SRSF1: variants seen among roughly 807,000 people sequenced by gnomAD.
SRSF1 encodes serine and arginine rich splicing factor 1.
In SRSF1, 1 loss-of-function variant was observed where a neutral mutation model predicts 25.9. That is an observed-to-expected ratio of 0.04 (90% CI 0.01 to 0.18). SRSF1 has a LOEUF of 0.18. SRSF1 is among the 10% of genes least tolerant of loss of function. SRSF1 has a pLI of 1.00. For missense variants in SRSF1, 65 were observed against 350.5 expected (o/e 0.19, Z 6.50); for synonymous variants, 132 against 126.2 (o/e 1.05, Z -0.31).
At chr17:58,006,830 CG>C in intron 1 of SRSF1, 113 bp downstream of exon 1, 3 of 1,297,376 alleles carry the variant, frequency 2.3e-6, no homozygotes, top group Non-Finnish European at 3.2e-6. Context: ...GATACAGTCT[CG>C]CCCCAACCTC....
chr17:58,002,995 G>C lies in SRSF1; in HGVS notation c.*2411C>G, dbSNP rs2075402588. On this transcript the variant is annotated 3_prime_UTR_variant, in exon 4 of 4. Transcript: ENST00000258962. ...CCACTGCCCTCCAGTCTGGAGAACA[G>C]AGCGAGACTCTGTCTCAAAAACAAA... Among the ~76,000 whole-genome samples the C allele has an allele frequency of 6.6e-6, 1 of 152,210 alleles. No homozygotes were observed. Among genetic ancestry groups the C allele is most frequent in the Admixed American group, 6.5e-5 (1 of 15,282 alleles).
At chr17:58,006,193 C>G (rs1196705837) in intron 2 of SRSF1, 150 bp downstream of exon 2, 20 of 1,087,256 alleles carry the variant, frequency 1.8e-5, no homozygotes, top group Non-Finnish European at 2.6e-5. Context: ...ATCACCACAG[C>G]AGCAATCCTC....
chr17:57,993,936 CCT>C, the SRSF1 span: 1 of 152,306 alleles, frequency 6.6e-6, no homozygotes, highest in Middle Eastern at 3.4e-3. Context: ...CACTTTCTCC[CCT>C]TTCATTCAGA....
chr17:57,995,493 G>T, the SRSF1 span, among the ~76,000 whole-genome samples: 1 of 152,172 alleles, frequency 6.6e-6, no homozygotes, highest in Non-Finnish European at 1.5e-5. Context: ...AAGGAGCTAG[G>T]CATCCCTCTT....
Position 58,006,398 on chromosome 17 carries a change from G to T in SRSF1, c.324C>A (p.Pro108=). 1 of 1,613,042 alleles carries T rather than the reference G, an allele frequency of 6.2e-7. No homozygotes were observed. The highest frequency in any genetic ancestry group is 1.3e-5 in the African/African-American group (1 of 75,042). ...GGGGGGGGGA[P]RGRYGPPSRR... The stretch of plus-strand genomic sequence containing the variant: ...TGGATGGGGGGCCATAGCGACCTCG[G>T]GGAGCTCCGCCACCTCCACCCCCGC... Residue 108 remains proline (P), a synonymous_variant, in exon 2 of 4, where the codon CCC becomes CCA. Coordinates refer to ENST00000258962, the MANE Select transcript of SRSF1 (RefSeq NM_006924.5).
rs933072831 is a variant in SRSF1, at chr17:58,001,594, G to C, written c.*3812C>G. Among the ~76,000 whole-genome samples the C allele has an allele frequency of 6.6e-6, 1 of 152,160 alleles. No individual in the cohort carries two copies. Among genetic ancestry groups the C allele is most frequent in the African/African-American group, 2.4e-5 (1 of 41,438 alleles). ...AGAGACTTAAGTTTTTCCTTGGTTA[G>C]AAAATAATTATAGGCTCCCTAAAAT... is the stretch of plus-strand genomic sequence containing the variant. On this transcript the variant is annotated 3_prime_UTR_variant, in exon 4 of 4. Transcript: ENST00000258962.
chr17:57,997,693 T>A (rs2075370332), downstream of SRSF1, among the ~76,000 whole-genome samples: 1 of 152,212 alleles, frequency 6.6e-6, no homozygotes, highest in Non-Finnish European at 1.5e-5. Flanking sequence ...ATATGGCAAC[T>A]GGAGATGGGA....
rs2075390794 is a variant in SRSF1, at chr17:58,001,596, AAAT to A, written c.*3807_*3809del. 6.6e-6 allele frequency among the ~76,000 whole-genome samples: 1 copy of A among 152,206 alleles called. No homozygotes were observed. The highest frequency in any genetic ancestry group is 2.1e-4 in the South Asian group (1 of 4,836). On this transcript the variant is annotated 3_prime_UTR_variant, in exon 4 of 4. Coordinates refer to ENST00000258962, the MANE Select transcript of SRSF1 (RefSeq NM_006924.5). Reference sequence around the variant, plus strand: ...AGACTTAAGTTTTTCCTTGGTTAGAAAATAATTATAGGCTCCCTAAAATATTCT... The same window carrying A: ...AGACTTAAGTTTTTCCTTGGTTAGAAAATTATAGGCTCCCTAAAATATTCT...
chr17:58,007,201 C>A lies in SRSF1; in HGVS notation c.-64G>T. 1.3e-6 allele frequency: 2 copies of A among 1,583,232 alleles called. No individual in the cohort carries two copies. The highest frequency in any genetic ancestry group is 1.7e-6 in the Non-Finnish European group (2 of 1,161,644). ...CCACCAAGCCTAGCGCACGGCAGAG[C>A]GAGCCCGCAGCGGCACCACGTCTCC... is the stretch of plus-strand genomic sequence containing the variant. On this transcript the variant is annotated 5_prime_UTR_variant, in exon 1 of 4. Transcript: ENST00000258962.
Position 58,004,198 on chromosome 17 carries a change from G to A in SRSF1, c.*1208C>T, listed in dbSNP as rs1308724781. On this transcript the variant is annotated 3_prime_UTR_variant, in exon 4 of 4. Coordinates refer to ENST00000258962, the MANE Select transcript of SRSF1 (RefSeq NM_006924.5). ...ACTTAATCATCATAGAGACTAATTG[G>A]AAGAAGCATTTTGTATTTACAGTTC... 2 of 152,566 alleles carry A rather than the reference G, an allele frequency of 1.3e-5. No individual in the cohort carries two copies. The highest frequency in any genetic ancestry group is 2.9e-5 in the Non-Finnish European group (2 of 68,022). 9.5% of individuals were successfully genotyped at this position (152,566 alleles called of 1,614,324 possible). A position where few individuals can be genotyped will look rare whatever the true frequency, so the allele number is the denominator to read the frequency against.
chr17:57,999,324 T>A (rs761210212), downstream of SRSF1, among the ~76,000 whole-genome samples: 7 of 152,204 alleles, frequency 4.6e-5, no homozygotes, highest in Non-Finnish European at 1.0e-4. Flanking sequence ...CCAGCACACC[T>A]AACTCCTGTT....
chr17:57,991,953 T>C, the SRSF1 span: 2 of 152,364 alleles, frequency 1.3e-5, no homozygotes, highest in East Asian at 1.9e-4. Flanking sequence ...ATTTTCCTAG[T>C]AGACACTGAA....
chr17:57,995,220 AT>A, the SRSF1 span, among the ~76,000 whole-genome samples: 1 of 152,220 alleles, frequency 6.6e-6, no homozygotes, highest in African/African-American at 2.4e-5. Flanking sequence ...AGAGTGGTTC[AT>A]TTTTGTGGAT....
chr17:58,002,040 T>C lies in SRSF1; in HGVS notation c.*3366A>G, dbSNP rs1296207084. On this transcript the variant is annotated 3_prime_UTR_variant, in exon 4 of 4. Coordinates refer to ENST00000258962, the MANE Select transcript of SRSF1 (RefSeq NM_006924.5). ...ACAAATGAACCAAAGTTTACTTAAG[T>C]CTAGCTCACATTAACCTTCCAAAAT... Among the ~76,000 whole-genome samples the C allele has an allele frequency of 6.6e-6, 1 of 152,212 alleles. No individual in the cohort carries two copies. The highest frequency in any genetic ancestry group is 1.5e-5 in the Non-Finnish European group (1 of 68,030).
chr17:58,006,195 G>T, intron 2 of SRSF1, 148 bp downstream of exon 2: 1 of 1,096,916 alleles, frequency 9.1e-7, no homozygotes, highest in African/African-American at 1.6e-5. Flanking sequence ...CACCACAGCA[G>T]CAATCCTCGT....
Position 58,001,959 on chromosome 17 carries a change from AAAC to A in SRSF1, c.*3444_*3446del, listed in dbSNP as rs1430381814. 6.6e-6 allele frequency among the ~76,000 whole-genome samples: 1 copy of A among 152,222 alleles called. No homozygotes were observed. Among genetic ancestry groups the A allele is most frequent in the Non-Finnish European group, 1.5e-5 (1 of 68,028 alleles). On this transcript the variant is annotated 3_prime_UTR_variant, in exon 4 of 4. Coordinates refer to ENST00000258962, the MANE Select transcript of SRSF1 (RefSeq NM_006924.5). ...GCACATCTTTCAACTTTAAACACTCAAACTTGAGTGAAGGCCATTTACATTTTT... is the reference window on the plus strand; with the variant it reads ...GCACATCTTTCAACTTTAAACACTCATTGAGTGAAGGCCATTTACATTTTT...
At chr17:57,997,981 G>A (rs773339136), downstream of SRSF1, among the ~76,000 whole-genome samples, 11 of 152,120 alleles carry the variant, frequency 7.2e-5, no homozygotes, top group African/African-American at 2.2e-4. Flanking sequence ...TTGGGAGGCC[G>A]AGGCGGGCGG....
chr17:58,005,315 A>T lies in SRSF1; in HGVS notation c.*91T>A. 1 of 1,429,744 alleles carries T rather than the reference A, an allele frequency of 7.0e-7. No individual in the cohort carries two copies. Among genetic ancestry groups the T allele is most frequent in the South Asian group, 1.3e-5 (1 of 78,002 alleles). 88.6% of individuals were successfully genotyped at this position (1,429,744 alleles called of 1,614,324 possible). ...TTCAACACTTTAGCCCATTCTGAAC[A>T]AAACAGTTTGAATTAAAAAATGAAA... On this transcript the variant is annotated 3_prime_UTR_variant, in exon 4 of 4. Transcript: ENST00000258962. This position sits in a 1 kb window ranked among gnomAD's most constrained non-coding sequence, Gnocchi z 5.2.
chr17:57,997,800 CAG>C (rs1166475186), downstream of SRSF1, among the ~76,000 whole-genome samples: 6 of 152,202 alleles, frequency 3.9e-5, no homozygotes, highest in African/African-American at 1.4e-4. Context: ...CCTGAAGACA[CAG>C]AACTTGACTA....
Sources: gnomAD v4.1 joint callset for allele counts (sites outside exome capture counted in the v4.1 genomes callset) on GRCh38, gnomAD v4.1.1 for gene constraint, Gnocchi (gnomAD v3.1) non-coding constraint, MANE v1.5 for transcripts, NCBI Gene and HGNC (gene_info 2026-07-23, HGNC 2026-07-21) for gene names.